Variants in CMIP observed in about 807,000 individuals in gnomAD.
CMIP encodes the protein c-Maf inducing protein, also known as C-Maf-inducing protein.
Under a neutral mutation model 97.3 loss-of-function variants are expected in CMIP, and 13 were observed. That is an observed-to-expected ratio of 0.13 (90% CI 0.09 to 0.21). The LOEUF (loss-of-function observed/expected upper bound fraction) is 0.21, where lower values mean the gene tolerates loss of function less well. CMIP is among the 10% of genes least tolerant of loss of function. The pLI, the probability that CMIP is intolerant of heterozygous loss-of-function variation, is 1.00. For synonymous variants in CMIP, 538 were observed against 436.3 expected (o/e 1.23, Z -2.91); for missense variants, 847 against 1,024.9 (o/e 0.83, Z 2.37).
chr16:81,574,567 A>G (rs2091156065), intron 1 of CMIP, among the ~76,000 whole-genome samples: 1 of 152,284 alleles, frequency 6.6e-6, no homozygotes, highest in African/African-American at 2.4e-5. Flanking sequence ...TGGAAAATTC[A>G]GTCACTAAAA....
chr16:81,625,314 G>A (rs1312535414), intron 3 of CMIP, among the ~76,000 whole-genome samples: 3 of 152,272 alleles, frequency 2.0e-5, no homozygotes, highest in Admixed American at 6.5e-5. Context: ...GGCCAGCCCT[G>A]TTTGGTTTGG....
chr16:81,684,498 G>C (rs968709017), intron 10 of CMIP, among the ~76,000 whole-genome samples: 1 of 152,232 alleles, frequency 6.6e-6, no homozygotes, highest in Non-Finnish European at 1.5e-5. Flanking sequence ...GGGCAGCACA[G>C]GGCTCTGGTT....
chr16:81,638,118 C>G (rs1350724482), intron 3 of CMIP, among the ~76,000 whole-genome samples: 1 of 152,208 alleles, frequency 6.6e-6, no homozygotes, highest in African/African-American at 2.4e-5. Context: ...CCCCTCACTC[C>G]GGTGTCTGCC....
intron 7 of CMIP, chr16:81,666,219 G>C (rs1245638149): frequency 3.3e-5 from 5 of 152,194 alleles, no homozygotes; most frequent in African/African-American, 1.2e-4. Context: ...TATGGAGTGG[G>C]CTGTGCCATG....
At chr16:81,566,165 C>G (rs1449931992) in intron 1 of CMIP, among the ~76,000 whole-genome samples, 1 of 152,220 alleles carries the variant, frequency 6.6e-6, no homozygotes, top group Non-Finnish European at 1.5e-5. Context: ...GGAGGCTGCC[C>G]TCTCCTCAAG....
chr16:81,592,916 T>C (rs1054551453), intron 1 of CMIP, among the ~76,000 whole-genome samples: 4 of 152,202 alleles, frequency 2.6e-5, no homozygotes, highest in East Asian at 3.8e-4. Flanking sequence ...ATGCTGACTT[T>C]AGGGCATCTT....
chr16:81,498,837 A>G (rs968177580), intron 1 of CMIP, among the ~76,000 whole-genome samples: 7 of 152,164 alleles, frequency 4.6e-5, no homozygotes, highest in African/African-American at 1.7e-4. Context: ...GTGTGCACAC[A>G]GTCCCAGTTA....
At chr16:81,695,718 C>T (rs1906638723) in intron 13 of CMIP, 2 of 152,294 alleles carry the variant, frequency 1.3e-5, no homozygotes, top group South Asian at 2.1e-4. Context: ...CTCCCATACA[C>T]ACACACACGT....
At chr16:81,500,443 C>T (rs1413230557) in intron 1 of CMIP, among the ~76,000 whole-genome samples, 2 of 122,860 alleles carry the variant, frequency 1.6e-5, no homozygotes, top group African/African-American at 3.1e-5. Flanking sequence ...CTCTCTCTCT[C>T]CCTTCCTCCC....
In CMIP at chr16:81,709,476, C is replaced by T. The variant is rs181417288; in HGVS notation, c.2269-270C>T. On this transcript the variant is annotated intron_variant, in intron 20 of 20. Coordinates refer to ENST00000537098, the MANE Select transcript of CMIP (RefSeq NM_198390.3). The stretch of plus-strand genomic sequence containing the variant: ...CAGGGCCTGGATTCAAACCCCAGTG[C>T]TTCCACCTGCGAAGACAGAGACCAA... Among the ~76,000 whole-genome samples the T allele has an allele frequency of 7.1e-3, 1,079 of 152,338 alleles. 7 individuals carry two copies. Among genetic ancestry groups the T allele is most frequent in the Non-Finnish European group, 0.011 (757 of 68,030 alleles).
chr16:81,507,015 G>A (rs565516497), intron 1 of CMIP, among the ~76,000 whole-genome samples: 1 of 152,292 alleles, frequency 6.6e-6, no homozygotes, highest in African/African-American at 2.4e-5. Flanking sequence ...CACTTTGGGA[G>A]GCCGAGGTAG....
Position 81,607,629 on chromosome 16 carries a change from C to T in CMIP, c.363C>T (p.Ser121=), listed in dbSNP as rs1274470672. 1.2e-6 allele frequency: 2 copies of T among 1,614,040 alleles called. No individual in the cohort carries two copies. Among genetic ancestry groups the T allele is most frequent in the African/African-American group, 2.7e-5 (2 of 75,068 alleles). ...CAATTGAAGACGTTCAGCTGCTGTC[C>T]TGGGAGAATGCCCCGAAGTACTGTT... ...YSAIEDVQLL[S]WENAPKYCLQ... is the part of the protein sequence containing the mutation. Residue 121 remains serine, a synonymous_variant, in exon 2 of 21, where the codon TCC becomes TCT. Coordinates refer to ENST00000537098, the MANE Select transcript of CMIP (RefSeq NM_198390.3).
rs1205699937 is a variant in CMIP at position 81,494,497 on chromosome 16, C to G, written c.300+48956C>G. Among the ~76,000 whole-genome samples the G allele has an allele frequency of 3.3e-5, 5 of 152,312 alleles. No homozygotes were observed. The East Asian group carries it at 9.7e-4, about 29-fold the overall frequency. On this transcript the variant is annotated intron_variant, in intron 1 of 20. Transcript: ENST00000537098. ...CTCTCCAGGGACGGCCAGACAGCTC[C>G]CCTTCCACCTTGGGGTGTAAGCGGA...
At chr16:81,706,355 C>A (rs772604308) in intron 19 of CMIP, among the ~76,000 whole-genome samples, 1 of 152,238 alleles carries the variant, frequency 6.6e-6, no homozygotes, top group Non-Finnish European at 1.5e-5. Flanking sequence ...GGGGCCATGA[C>A]TCCTACCGGG....
chr16:81,617,549 G>A (rs569426931), intron 2 of CMIP: 1 of 152,558 alleles, frequency 6.6e-6, no homozygotes, highest in Admixed American at 6.5e-5. Context: ...GAAGGGCTGG[G>A]CTAGCCATCG....
intron 3 of CMIP, among the ~76,000 whole-genome samples, chr16:81,647,494 C>A (rs760580250): frequency 2.6e-5 from 4 of 152,144 alleles, no homozygotes; most frequent in Non-Finnish European, 5.9e-5. Context: ...GTGAAAACAC[C>A]AGGTCGTGTG....
chr16:81,515,744 C>G (rs2089900366), intron 1 of CMIP, among the ~76,000 whole-genome samples: 1 of 152,218 alleles, frequency 6.6e-6, no homozygotes, highest in African/African-American at 2.4e-5. Flanking sequence ...TGTCCTTGCT[C>G]TGATCTGCTG....
At chr16:81,570,455 C>T (rs570530389) in intron 1 of CMIP, among the ~76,000 whole-genome samples, 29 of 152,206 alleles carry the variant, frequency 1.9e-4, no homozygotes, top group Non-Finnish European at 3.5e-4. Context: ...TTCTGAGCCT[C>T]GGTGTATTTT....
chr16:81,709,885 C>T lies in CMIP; in HGVS notation c.*86C>T. On this transcript the variant is annotated 3_prime_UTR_variant, in exon 21 of 21. Transcript: ENST00000537098. ...GCCGCAGAGCAGCCGGTCCTGGGGTCCCACCCTGGTGCCCTGGCTGTGAGA... is the reference window on the plus strand; with the variant it reads ...GCCGCAGAGCAGCCGGTCCTGGGGTTCCACCCTGGTGCCCTGGCTGTGAGA... 2.8e-6 allele frequency: 4 copies of T among 1,428,702 alleles called. No individual in the cohort carries two copies. Among genetic ancestry groups the T allele is most frequent in the Non-Finnish European group, 3.9e-6 (4 of 1,035,574 alleles). 88.5% of individuals were successfully genotyped at this position (1,428,702 alleles called of 1,614,324 possible).
Sources: gnomAD v4.1 joint callset for allele counts (sites outside exome capture counted in the v4.1 genomes callset) on GRCh38, gnomAD v4.1.1 for gene constraint, MANE v1.5 for transcripts, NCBI Gene and HGNC (gene_info 2026-07-23, HGNC 2026-07-21) for gene names.